The following HPF1 variants were observed in gnomAD, a reference collection of about 807,000 sequenced individuals.
The protein encoded by HPF1 is UPF0609 protein C4orf27.
HPF1 carries 35 observed loss-of-function variants against 38.8 expected under a neutral mutation model. The observed-to-expected ratio is 0.90, with a 90% CI of 0.69 to 1.19. HPF1 has a LOEUF of 1.19. HPF1 is among the 50% of genes most tolerant of loss of function. The pLI is 0.00. For synonymous variants in HPF1, 115 were observed against 139.2 expected (o/e 0.83, Z 1.22); for missense variants, 367 against 405.8 (o/e 0.90, Z 0.82).
At chr4:169,731,975 A>G (rs1733836046) in intron 6 of HPF1, 99 bp from the exon 7 acceptor site, 1 of 942,900 alleles carries the variant, frequency 1.1e-6, no homozygotes, top group African/African-American at 1.7e-5. Context: ...TCCTCCTAAG[A>G]CTTTGTACTA....
chr4:169,746,116 TCTACA>T (rs1218372773), intron 4 of HPF1, among the ~76,000 whole-genome samples: 1 of 152,342 alleles, frequency 6.6e-6, no homozygotes, highest in East Asian at 1.9e-4. Context: ...ATGGAATCAT[TCTACA>T]CTATTGTTAT....
chr4:169,757,673 G>A (rs539915791), intron 1 of HPF1, among the ~76,000 whole-genome samples, 157 bp downstream of exon 1: 1 of 152,314 alleles, frequency 6.6e-6, no homozygotes, highest in South Asian at 2.1e-4. Flanking sequence ...TGCAGAGCGC[G>A]AAACAGCGGC....
At position 169,757,810 on chromosome 4, in the gene HPF1, C is replaced by G; in HGVS notation, c.48+20G>C. ...CACCCAAAGCGCCCCGCGTAGCCCG[C>G]ACAGCCTTTCCGGCAGTACCTGCGG... is the stretch of plus-strand genomic sequence containing the variant. On this transcript the variant is annotated intron_variant, in intron 1 of 7. Coordinates refer to ENST00000393381, the MANE Select transcript of HPF1 (RefSeq NM_017867.3). The G allele has an allele frequency of 6.4e-7, 1 of 1,557,878 alleles. No individual in the cohort carries two copies. Among genetic ancestry groups the G allele is most frequent in the South Asian group, 1.2e-5 (1 of 85,600 alleles).
intron 1 of HPF1, among the ~76,000 whole-genome samples, chr4:169,756,185 T>C (rs1427714160): frequency 1.3e-5 from 2 of 152,214 alleles, no homozygotes; most frequent in African/African-American, 4.8e-5. Context: ...ATTAACTCAT[T>C]TAGTCCTCAA....
chr4:169,752,204 T>G (rs1489316106), intron 2 of HPF1, among the ~76,000 whole-genome samples: 1 of 130,584 alleles, frequency 7.7e-6, no homozygotes, highest in Non-Finnish European at 1.6e-5. Flanking sequence ...GGAGTCTCGC[T>G]CTGTCACCCA....
intron 5 of HPF1, 101 bp from the exon 6 acceptor site, chr4:169,737,848 AT>A: frequency 1.3e-6 from 1 of 748,592 alleles, no homozygotes; most frequent in Non-Finnish European, 2.3e-6. Context: ...AAAATGTAAC[AT>A]TTAATCACAT....
intron 3 of HPF1, among the ~76,000 whole-genome samples, chr4:169,749,838 A>G (rs899976389): frequency 2.0e-5 from 3 of 152,124 alleles, no homozygotes; most frequent in Non-Finnish European, 4.4e-5. Context: ...AAATACCGAG[A>G]GGTTAAATTA....
intron 4 of HPF1, 50 bp from the exon 5 acceptor site, chr4:169,742,157 T>A (rs763319357): frequency 6.5e-7 from 1 of 1,529,698 alleles, no homozygotes. Context: ...CTGTACTAAG[T>A]ACAAAGACCT....
At chr4:169,739,383 C>T (rs1454124113) in intron 5 of HPF1, among the ~76,000 whole-genome samples, 1 of 151,718 alleles carries the variant, frequency 6.6e-6, no homozygotes, top group African/African-American at 2.4e-5. Context: ...AAGAAAAAGA[C>T]TAATTCTAAC....
chr4:169,750,410 G>T, intron 3 of HPF1, 126 bp downstream of exon 3: 1 of 625,342 alleles, frequency 1.6e-6, no homozygotes, highest in Non-Finnish European at 2.7e-6. Flanking sequence ...AAGAACAACA[G>T]ATGGCTCATA....
rs1159146506 is a variant in HPF1, at chr4:169,738,656, G to A, written c.649-909C>T. Among the ~76,000 whole-genome samples, 10 of 152,202 alleles carry A rather than the reference G, an allele frequency of 6.6e-5. No individual in the cohort carries two copies. The East Asian group carries it at 1.9e-3, about 29-fold the overall frequency. On this transcript the variant is annotated intron_variant, in intron 5 of 7. Transcript: ENST00000393381. ...TGCCAGAAAGGGCAGATTATTCAAA[G>A]GAAGTTATCAGACAACTGCTTACCA...
chr4:169,744,558 A>G (rs1273697772), intron 4 of HPF1, among the ~76,000 whole-genome samples: 1 of 152,236 alleles, frequency 6.6e-6, no homozygotes, highest in Non-Finnish European at 1.5e-5. Context: ...ATATGGCATC[A>G]TGCAATGGCC....
chr4:169,743,266 C>A (rs563932383), intron 4 of HPF1, among the ~76,000 whole-genome samples: 33 of 151,904 alleles, frequency 2.2e-4, no homozygotes, highest in Non-Finnish European at 4.4e-4. Flanking sequence ...CATGCCACCA[C>A]GCCCAGCTAA....
intron 2 of HPF1, among the ~76,000 whole-genome samples, chr4:169,751,264 G>A (rs1185044409): frequency 6.6e-6 from 1 of 152,036 alleles, no homozygotes; most frequent in Non-Finnish European, 1.5e-5. Context: ...TTAGCCGGGT[G>A]TGGTGGCTCA....
At chr4:169,734,655 A>T (rs758147578) in intron 6 of HPF1, among the ~76,000 whole-genome samples, 6 of 152,218 alleles carry the variant, frequency 3.9e-5, no homozygotes, top group African/African-American at 1.4e-4. Flanking sequence ...ATGATGACTT[A>T]AATGTTTCTA....
At chr4:169,746,135 C>A (rs536362033) in intron 4 of HPF1, among the ~76,000 whole-genome samples, 1 of 152,214 alleles carries the variant, frequency 6.6e-6, no homozygotes, top group African/African-American at 2.4e-5. Context: ...TTGTTATTTG[C>A]CCACTTCATA....
At chr4:169,738,465 T>C (rs1733925923) in intron 5 of HPF1, among the ~76,000 whole-genome samples, 1 of 152,230 alleles carries the variant, frequency 6.6e-6, no homozygotes, top group East Asian at 1.9e-4. Context: ...TCCACTTCTT[T>C]GTGCAATTCA....
chr4:169,733,420 A>G (rs560322041), intron 6 of HPF1, among the ~76,000 whole-genome samples: 1 of 152,336 alleles, frequency 6.6e-6, no homozygotes, highest in South Asian at 2.1e-4. Flanking sequence ...GAATGAAAAG[A>G]ATGGATATTA....
At chr4:169,747,347 C>T (rs916846849) in intron 4 of HPF1, among the ~76,000 whole-genome samples, 1 of 151,936 alleles carries the variant, frequency 6.6e-6, no homozygotes, top group Non-Finnish European at 1.5e-5. Flanking sequence ...AAAGAAAGAA[C>T]ATTTTTGGAC....
Sources: allele counts gnomAD v4.1 joint callset (sites outside exome capture counted in the v4.1 genomes callset), GRCh38; gene constraint gnomAD v4.1.1; transcripts MANE v1.5; gene names NCBI Gene and HGNC (gene_info 2026-07-23, HGNC 2026-07-21).